GPC5: variants seen among roughly 807,000 people sequenced by gnomAD.
GPC5 encodes the protein glypican 5, also known as glypican-5.
A neutral mutation model predicts 53.9 loss-of-function variants in GPC5; 47 were observed. The ratio of observed to expected loss-of-function variants is 0.87; its 90% CI spans 0.69 to 1.11. The LOEUF (loss-of-function observed/expected upper bound fraction) is 1.11, where lower values mean the gene tolerates loss of function less well. Ranked by LOEUF, GPC5 falls within the 50% of genes most tolerant of loss-of-function variation. The probability of loss-of-function intolerance (pLI) is 0.00; values close to 1 mark genes in which losing one functional copy is unlikely to be tolerated. For missense variants in GPC5, 748 were observed against 713.1 expected (o/e 1.05, Z -0.56); for synonymous variants, 286 against 263.3 (o/e 1.09, Z -0.84).
chr13:92,796,803 G>A (rs1025457050), intron 7 of GPC5, among the ~76,000 whole-genome samples: 2 of 151,670 alleles, frequency 1.3e-5, no homozygotes, highest in East Asian at 1.9e-4. Context: ...CCACTACAAC[G>A]TATTTTAAAT....
intron 7 of GPC5, among the ~76,000 whole-genome samples, chr13:92,547,704 T>G (rs1433053632): frequency 6.6e-6 from 1 of 150,782 alleles, no homozygotes; most frequent in Non-Finnish European, 1.5e-5. Context: ...CAAGAGGGCA[T>G]AAAACCAACT....
chr13:92,198,778 A>ATCCC (rs2042274499), intron 7 of GPC5, among the ~76,000 whole-genome samples: 1 of 152,138 alleles, frequency 6.6e-6, no homozygotes, highest in Non-Finnish European at 1.5e-5. Context: ...CAAAAAAATT[A>ATCCC]TTTCTGACAA....
intron 7 of GPC5, among the ~76,000 whole-genome samples, chr13:92,379,947 T>A (rs1446045893): frequency 6.6e-6 from 1 of 152,188 alleles, no homozygotes; most frequent in African/African-American, 2.4e-5. Context: ...GAAAGATGGC[T>A]CAATCCTGGT....
At chr13:92,031,574 G>A (rs2040841527) in intron 6 of GPC5, among the ~76,000 whole-genome samples, 1 of 145,548 alleles carries the variant, frequency 6.9e-6, no homozygotes, top group South Asian at 2.1e-4. Flanking sequence ...TTTTATTATG[G>A]CCATTCTTGC....
Position 92,260,502 on chromosome 13 carries a change from C to A in GPC5, c.1561+115513C>A, listed in dbSNP as rs895809899. 2.6e-5 allele frequency among the ~76,000 whole-genome samples: 4 copies of A among 152,164 alleles called. No individual in the cohort carries two copies. The East Asian group carries it at 5.8e-4, about 22-fold the overall frequency. On this transcript the variant is annotated intron_variant, in intron 7 of 7. Coordinates refer to ENST00000377067, the MANE Select transcript of GPC5 (RefSeq NM_004466.6). ...ATCAGGCCCGGCTCCTTGAGGCAGGCCTTCACTGAGCTCCCTCTGTTCAGG... is the reference window on the plus strand; with the variant it reads ...ATCAGGCCCGGCTCCTTGAGGCAGGACTTCACTGAGCTCCCTCTGTTCAGG...
At chr13:92,216,070 A>C (rs991161500) in intron 7 of GPC5, among the ~76,000 whole-genome samples, 2 of 152,188 alleles carry the variant, frequency 1.3e-5, no homozygotes, top group African/African-American at 2.4e-5. Flanking sequence ...GGCAGTTTTA[A>C]GCTAAAGGAC....
chr13:92,062,623 A>G (rs1391099953), intron 6 of GPC5, among the ~76,000 whole-genome samples: 1 of 152,036 alleles, frequency 6.6e-6, no homozygotes, highest in African/African-American at 2.4e-5. Context: ...GCATAATGGC[A>G]GTAAATGTGT....
In GPC5 at chr13:92,004,499, A is replaced by G. The variant is rs1313810590; in HGVS notation, c.1401+96442A>G. On this transcript the variant is annotated intron_variant, in intron 6 of 7. Coordinates refer to ENST00000377067, the MANE Select transcript of GPC5 (RefSeq NM_004466.6). Reference sequence around the variant, plus strand: ...ATATATATATATATATAATTACACTATAGCTTTTCATGCAAAGAGTACTTA... The same window carrying G: ...ATATATATATATATATAATTACACTGTAGCTTTTCATGCAAAGAGTACTTA... Among the ~76,000 whole-genome samples the G allele has an allele frequency of 6.6e-5, 6 of 90,588 alleles. No homozygotes were observed. The East Asian group carries it at 9.8e-4, about 15-fold the overall frequency. The allele number at this position is 90,588 out of a possible 152,430, so 59.4% of individuals were successfully genotyped here. A position where few individuals can be genotyped will look rare whatever the true frequency, so the allele number is the denominator to read the frequency against.
chr13:91,664,019 T>C (rs906210840), intron 2 of GPC5, among the ~76,000 whole-genome samples: 3 of 152,170 alleles, frequency 2.0e-5, no homozygotes, highest in Non-Finnish European at 2.9e-5. Context: ...AGATATATTT[T>C]TTGTGCACTT....
At chr13:92,816,963 T>A (rs774691048) in intron 7 of GPC5, among the ~76,000 whole-genome samples, 5 of 152,002 alleles carry the variant, frequency 3.3e-5, no homozygotes, top group African/African-American at 1.2e-4. Flanking sequence ...TCTATAGTGA[T>A]GTTCTCTAAA....
At chr13:92,259,391 C>G (rs1404439740) in intron 7 of GPC5, among the ~76,000 whole-genome samples, 1 of 152,124 alleles carries the variant, frequency 6.6e-6, no homozygotes, top group Non-Finnish European at 1.5e-5. Flanking sequence ...AAATTTTTGT[C>G]TCCTGCTGTT....
intron 6 of GPC5, among the ~76,000 whole-genome samples, chr13:92,077,622 C>T (rs985394998): frequency 1.3e-5 from 2 of 152,150 alleles, no homozygotes; most frequent in African/African-American, 4.8e-5. Flanking sequence ...TCCAGAATTG[C>T]TGCTTCCTCC....
intron 6 of GPC5, among the ~76,000 whole-genome samples, chr13:91,945,152 C>A (rs543075668): frequency 6.6e-6 from 1 of 152,230 alleles, no homozygotes; most frequent in East Asian, 1.9e-4. Flanking sequence ...TAATTCTATC[C>A]TATGTTTTAC....
intron 7 of GPC5, among the ~76,000 whole-genome samples, chr13:92,536,688 T>G (rs1881734821): frequency 6.6e-6 from 1 of 152,124 alleles, no homozygotes; most frequent in Non-Finnish European, 1.5e-5. Context: ...ATGGCATATC[T>G]ACAAATATAG....
intron 6 of GPC5, among the ~76,000 whole-genome samples, chr13:92,077,068 C>T (rs1447250820): frequency 6.6e-6 from 1 of 152,140 alleles, no homozygotes; most frequent in Non-Finnish European, 1.5e-5. Flanking sequence ...TTAAATTTAC[C>T]TATAGCCTGA....
intron 6 of GPC5, among the ~76,000 whole-genome samples, chr13:92,003,325 C>CAAAAAAAA (rs57075719): frequency 2.1e-4 from 21 of 100,188 alleles, no homozygotes; most frequent in Non-Finnish European, 3.1e-4. Flanking sequence ...TGTCTTAACA[C>CAAAAAAAA]AAAAAAAAAA....
At chr13:91,662,532 A>T (rs1045608935) in intron 2 of GPC5, among the ~76,000 whole-genome samples, 1 of 151,708 alleles carries the variant, frequency 6.6e-6, no homozygotes, top group Non-Finnish European at 1.5e-5. Flanking sequence ...CAGTAAAAGT[A>T]TGAGAAGAAT....
chr13:92,248,664 A>T (rs2026888), intron 7 of GPC5, among the ~76,000 whole-genome samples: 97,628 of 152,032 alleles, frequency 0.64, 32,286 homozygotes, highest in African/African-American at 0.79. Context: ...ACCAAACCAT[A>T]ATTATTTATC....
intron 1 of GPC5, among the ~76,000 whole-genome samples, chr13:91,415,331 G>A (rs140134162): frequency 1.3e-5 from 2 of 152,146 alleles, no homozygotes; most frequent in Admixed American, 6.5e-5. Flanking sequence ...CTATCTAGAC[G>A]CTTGTGGAGC....
Sources: allele counts gnomAD v4.1 joint callset (sites outside exome capture counted in the v4.1 genomes callset), GRCh38; gene constraint gnomAD v4.1.1; transcripts MANE v1.5; gene names NCBI Gene and HGNC (gene_info 2026-07-23, HGNC 2026-07-21).